ZNF143: variants seen among roughly 807,000 people sequenced by gnomAD.
ZNF143 encodes SPH-binding factor.
In ZNF143, 49 loss-of-function variants were observed where a neutral mutation model predicts 74.1. The observed-to-expected ratio is 0.66, with a 90% CI of 0.53 to 0.84. The LOEUF is 0.84. Among genes scored for constraint, ZNF143 ranks in the 40% least tolerant of loss-of-function variants. The pLI, the probability that ZNF143 is intolerant of heterozygous loss-of-function variation, is 0.00. For synonymous variants in ZNF143, 304 were observed against 282.8 expected (o/e 1.07, Z -0.75); for missense variants, 637 against 793.4 (o/e 0.80, Z 2.37).
intron 15 of ZNF143, 110 bp from the exon 16 acceptor site, chr11:9,527,419 GT>G: frequency 2.1e-6 from 2 of 938,664 alleles, no homozygotes; most frequent in Non-Finnish European, 3.4e-6. Context: ...ACAATCCCAA[GT>G]GTCAGAATTA....
In ZNF143 at chr11:9,526,585, A is replaced by C. The variant is rs1849136004; in HGVS notation, c.1834-945A>C. 6.1e-5 allele frequency among the ~76,000 whole-genome samples: 9 copies of C among 147,464 alleles called. No individual in the cohort carries two copies. The South Asian group carries it at 1.9e-3, about 32-fold the overall frequency. ...CATCTTTTGTCTCTTGCATGTATGA[A>C]TTTTTTTTTTTTTTAGTTTTTATTT... On this transcript the variant is annotated intron_variant, in intron 15 of 15. Transcript: ENST00000396602.
intron 7 of ZNF143, among the ~76,000 whole-genome samples, chr11:9,488,361 TG>T (rs1847642216): frequency 6.6e-6 from 1 of 152,242 alleles, no homozygotes; most frequent in Admixed American, 6.5e-5. Context: ...CTAGGCTTGC[TG>T]TTCAGGGTAG....
chr11:9,478,625 G>A, intron 6 of ZNF143, 39 bp downstream of exon 6: 1 of 1,554,074 alleles, frequency 6.4e-7, no homozygotes, highest in South Asian at 1.2e-5. Flanking sequence ...TGCAGATATA[G>A]CTTCTTTATT....
chr11:9,513,732 C>T (rs1445084454), intron 13 of ZNF143, among the ~76,000 whole-genome samples: 1 of 152,160 alleles, frequency 6.6e-6, no homozygotes, highest in Non-Finnish European at 1.5e-5. Flanking sequence ...CCCATCTCTA[C>T]TAAAAATACA....
chr11:9,464,439 A>G (rs1028985731), intron 1 of ZNF143, among the ~76,000 whole-genome samples: 1 of 152,072 alleles, frequency 6.6e-6, no homozygotes, highest in Non-Finnish European at 1.5e-5. Flanking sequence ...TGTCTCTACT[A>G]AAAATACAAA....
chr11:9,519,840 G>T (rs1264391555), intron 14 of ZNF143, among the ~76,000 whole-genome samples: 1 of 152,038 alleles, frequency 6.6e-6, no homozygotes, highest in Non-Finnish European at 1.5e-5. Context: ...ACTCCCACTA[G>T]CAATGTCTAA....
chr11:9,462,639 C>G (rs1489653012), intron 1 of ZNF143, among the ~76,000 whole-genome samples: 1 of 151,806 alleles, frequency 6.6e-6, no homozygotes, highest in Non-Finnish European at 1.5e-5. Flanking sequence ...TTTGGGAGGC[C>G]GAGGCCAGCG....
At position 9,494,555 on chromosome 11, in the gene ZNF143, C is replaced by T. The variant is rs911836201; in HGVS notation, c.646-91C>T. On this transcript the variant is annotated intron_variant, in intron 7 of 15. Transcript: ENST00000396602. The stretch of plus-strand genomic sequence containing the variant: ...TGAACTCCTGGGCTCAAATGATCCG[C>T]CTACCTCTGCCTCCCCATGTGCTAA... 6 of 1,331,968 alleles carry T rather than the reference C, an allele frequency of 4.5e-6. No individual in the cohort carries two copies. In the African/African-American group the frequency reaches 8.8e-5, roughly 19 times the overall value. The allele number at this position is 1,331,968 out of a possible 1,614,324, so 82.5% of individuals were successfully genotyped here.
chr11:9,465,303 C>T (rs1431856167), intron 1 of ZNF143, among the ~76,000 whole-genome samples: 1 of 151,972 alleles, frequency 6.6e-6, no homozygotes, highest in African/African-American at 2.4e-5. Context: ...TCCCCTGCCT[C>T]AGCCTCCCAA....
Position 9,523,338 on chromosome 11 carries a change from G to C in ZNF143, c.1687-1902G>C, listed in dbSNP as rs193270194. The stretch of plus-strand genomic sequence containing the variant: ...TTCAAATTCCGTCTCTCTTTGGTGA[G>C]TTGCACTGAAAGCTCTCCTTAGTTT... On this transcript the variant is annotated intron_variant, in intron 14 of 15. Transcript: ENST00000396602. Among the ~76,000 whole-genome samples the C allele has an allele frequency of 1.5e-3, 226 of 152,268 alleles. 2 individuals carry two copies. The highest frequency in any genetic ancestry group is 5.1e-3 in the African/African-American group (212 of 41,548).
chr11:9,471,564 TGAAACGGGACGGA>T, intron 2 of ZNF143, 144 bp downstream of exon 2: 3 of 548,464 alleles, frequency 5.5e-6, no homozygotes, highest in Non-Finnish European at 6.0e-6. Flanking sequence ...TTTTTTTTTT[TGAAACGGGACGGA>T]GTTTTACTCT....
At chr11:9,522,873 T>A (rs545428995) in intron 14 of ZNF143, among the ~76,000 whole-genome samples, 7 of 151,864 alleles carry the variant, frequency 4.6e-5, no homozygotes, top group Non-Finnish European at 7.4e-5. Context: ...CTGGTTCTCC[T>A]CCCTCAGCCT....
In ZNF143 at chr11:9,516,880, A is replaced by C. The variant is rs181473964; in HGVS notation, c.1686+518A>C. The stretch of plus-strand genomic sequence containing the variant: ...AAGCATATACAAACAAATACAAATA[A>C]GTAAATAGTCATCTCCCCCTACCTT... On this transcript the variant is annotated intron_variant, in intron 14 of 15. Coordinates refer to ENST00000396602, the MANE Select transcript of ZNF143 (RefSeq NM_003442.6). 1.8e-3 allele frequency among the ~76,000 whole-genome samples: 275 copies of C among 152,264 alleles called. 1 individual carries two copies. Among genetic ancestry groups the C allele is most frequent in the Non-Finnish European group, 2.9e-3 (194 of 68,012 alleles).
At chr11:9,475,121 A>G (rs1389137670) in intron 5 of ZNF143, among the ~76,000 whole-genome samples, 2 of 152,198 alleles carry the variant, frequency 1.3e-5, no homozygotes, top group East Asian at 3.9e-4. Context: ...CCTGGCCTCA[A>G]GCCAGCCTCC....
rs766770577 is a variant in ZNF143, at chr11:9,525,539, G to A, written c.1833+153G>A. Reference sequence around the variant, plus strand: ...ACTTTAAGGAAATCGGTGTATTTGAGGTGGACTCAAAAAGACCAGCACTTT... The same window carrying A: ...ACTTTAAGGAAATCGGTGTATTTGAAGTGGACTCAAAAAGACCAGCACTTT... On this transcript the variant is annotated intron_variant, in intron 15 of 15. Coordinates refer to ENST00000396602, the MANE Select transcript of ZNF143 (RefSeq NM_003442.6). The A allele has an allele frequency of 1.4e-4, 138 of 1,012,242 alleles. No individual in the cohort carries two copies. The African/African-American group carries it at 2.0e-3, about 15-fold the overall frequency. The allele number at this position is 1,012,242 out of a possible 1,614,324, so 62.7% of individuals were successfully genotyped here.
At chr11:9,522,240 A>T (rs1313340603) in intron 14 of ZNF143, among the ~76,000 whole-genome samples, 1 of 152,086 alleles carries the variant, frequency 6.6e-6, no homozygotes, top group East Asian at 1.9e-4. Context: ...GCAGTGGCTC[A>T]CACCTGTAAT....
intron 13 of ZNF143, 73 bp from the exon 14 acceptor site, chr11:9,516,128 T>G: frequency 6.7e-7 from 1 of 1,485,234 alleles, no homozygotes; most frequent in Middle Eastern, 1.9e-4. Context: ...CAAGGATTAG[T>G]CCTGGTCCTT....
At chr11:9,511,117 T>C (rs1344637942) in intron 12 of ZNF143, among the ~76,000 whole-genome samples, 1 of 144,382 alleles carries the variant, frequency 6.9e-6, no homozygotes, top group Non-Finnish European at 1.5e-5. Context: ...TTTTTTTTTT[T>C]TTTTTTTTTT....
At chr11:9,490,431 G>A (rs947963135) in intron 7 of ZNF143, among the ~76,000 whole-genome samples, 2 of 151,410 alleles carry the variant, frequency 1.3e-5, no homozygotes, top group Middle Eastern at 6.8e-3. Context: ...TGACAGGCAC[G>A]TACCACCATG....
Sources: gnomAD v4.1 joint callset for allele counts (sites outside exome capture counted in the v4.1 genomes callset) on GRCh38, gnomAD v4.1.1 for gene constraint, MANE v1.5 for transcripts, NCBI Gene and HGNC (gene_info 2026-07-23, HGNC 2026-07-21) for gene names.